PTCH1: variants seen among roughly 807,000 people sequenced by gnomAD.
PTCH1 encodes the protein patched 1.
In PTCH1, 14 loss-of-function variants were observed where a neutral mutation model predicts 144.6. The observed-to-expected ratio is 0.10, with a 90% CI of 0.06 to 0.15. The LOEUF (loss-of-function observed/expected upper bound fraction) is 0.15, where lower values mean the gene tolerates loss of function less well. PTCH1 is among the 10% of genes least tolerant of loss of function. PTCH1 has a pLI of 1.00. For missense variants in PTCH1, 1,623 were observed against 1,948.3 expected (o/e 0.83, Z 3.14); for synonymous variants, 833 against 793.6 (o/e 1.05, Z -0.83).
intron 15 of PTCH1, among the ~76,000 whole-genome samples, chr9:95,465,368 G>C (rs1490115113): frequency 6.6e-6 from 1 of 152,118 alleles, no homozygotes; most frequent in Admixed American, 6.5e-5. Context: ...TTTGGTCAAT[G>C]GGGGGAAAAT....
rs778455544 is a variant in PTCH1 at position 95,478,104 on chromosome 9, G to T, written c.1298C>A (p.Ser433Tyr). The change falls in exon 9 of 24, where the codon TCC (serine) becomes TAC (tyrosine). Residue 433 changes from serine to tyrosine, a missense_variant. By Grantham distance (144) the Ser-to-Tyr change is moderately radical. Around this residue, in one of 7 missense-constraint regions of PTCH1, gnomAD observed 230 missense variants for 271.0 expected, o/e 0.85. Coordinates refer to ENST00000331920, the MANE Select transcript of PTCH1 (RefSeq NM_000264.5). ...TTTTLDDILK[S>Y]FSDVSVIRVA... The stretch of plus-strand genomic sequence containing the variant: ...GCGGATGACACTGACGTCAGAGAAG[G>T]ATTTCAGGATGTCGTCCAGGGTCGT... The T allele has an allele frequency of 3.1e-6, 5 of 1,614,204 alleles. No individual in the cohort carries two copies. Among genetic ancestry groups the T allele is most frequent in the Non-Finnish European group, 4.2e-6 (5 of 1,180,038 alleles).
intron 22 of PTCH1, among the ~76,000 whole-genome samples, chr9:95,448,351 T>C (rs1243198819): frequency 1.3e-5 from 2 of 152,132 alleles, no homozygotes; most frequent in African/African-American, 4.8e-5. Flanking sequence ...CAGGGGGCCC[T>C]CAGTGGAGCA....
intron 2 of PTCH1, among the ~76,000 whole-genome samples, chr9:95,499,565 A>C (rs547984373): frequency 6.6e-6 from 1 of 151,940 alleles, no homozygotes; most frequent in South Asian, 2.1e-4. Flanking sequence ...GGGGCACAGG[A>C]AACATTAATA....
upstream of PTCH1, among the ~76,000 whole-genome samples, chr9:95,510,777 T>A (rs1175240976): frequency 6.8e-6 from 1 of 148,030 alleles, no homozygotes; most frequent in Non-Finnish European, 1.5e-5. Flanking sequence ...GAAACCCAGA[T>A]GGAGGGAAAG....
At chr9:95,460,924 G>T (rs573899778) in intron 16 of PTCH1, among the ~76,000 whole-genome samples, 1 of 152,272 alleles carries the variant, frequency 6.6e-6, no homozygotes, top group South Asian at 2.1e-4. Context: ...TGAGCTCAGA[G>T]TTTCACACTC....
intron 15 of PTCH1, among the ~76,000 whole-genome samples, chr9:95,466,310 G>A (rs1839994287): frequency 6.6e-6 from 1 of 152,174 alleles, no homozygotes; most frequent in African/African-American, 2.4e-5. Flanking sequence ...GCATCCCAAA[G>A]TGCTGGGATT....
At position 95,458,042 on chromosome 9, in the gene PTCH1, G is replaced by T. The variant is rs1053698119; in HGVS notation, c.3139C>A (p.Leu1047Ile). Residue 1047 changes from leucine to isoleucine, a missense_variant, in exon 18 of 24, where the codon CTT becomes ATT. Around this residue, in one of 7 missense-constraint regions of PTCH1, gnomAD observed 504 missense variants for 679.3 expected, o/e 0.74. Coordinates refer to ENST00000331920, the MANE Select transcript of PTCH1 (RefSeq NM_000264.5). This position sits in a 1 kb window ranked among gnomAD's most constrained non-coding sequence, Gnocchi z 4.7. Reference sequence around the variant, plus strand: ...ATCCCGGCCGTCCAGGGGTTCAGAAGGAAGACAGCGCACACGAGGAATGTG... The same window carrying T: ...ATCCCGGCCGTCCAGGGGTTCAGAATGAAGACAGCGCACACGAGGAATGTG... ...ACTFLVCAVF[L>I]LNPWTAGIIV... The T allele has an allele frequency of 6.2e-7, 1 of 1,614,166 alleles. No individual in the cohort carries two copies.
Position 95,443,723 on chromosome 9 carries a change from AAAGACT to A in PTCH1, c.*2664_*2669del, listed in dbSNP as rs1837653105. On this transcript the variant is annotated 3_prime_UTR_variant, in exon 24 of 24. Coordinates refer to ENST00000331920, the MANE Select transcript of PTCH1 (RefSeq NM_000264.5). ...ATTCTTTAAAAATATACTTCTGTCA[AAAGACT>A]TGATGACTACTATGTACACTACAAA... The A allele has an allele frequency of 6.5e-6, 1 of 152,674 alleles. No homozygotes were observed. The highest frequency in any genetic ancestry group is 2.4e-5 in the African/African-American group (1 of 41,464). 9.5% of individuals were successfully genotyped at this position (152,674 alleles called of 1,614,324 possible).
intron 2 of PTCH1, chr9:95,494,329 GCAGCTCCCAC>G (rs1167170611): frequency 1.0e-6 from 1 of 985,348 alleles, no homozygotes. Flanking sequence ...GCTGCCTGTC[GCAGCTCCCAC>G]CAGCTCCCAA....
In PTCH1 at chr9:95,508,633, C is replaced by G; in HGVS notation, c.-272G>C. Reference sequence around the variant, plus strand: ...ACATTGCGCGGGGGTCCCGAGGTCTCTGCGGCCGCCGCTGCCCACATCCAG... The same window carrying G: ...ACATTGCGCGGGGGTCCCGAGGTCTGTGCGGCCGCCGCTGCCCACATCCAG... On this transcript the variant is annotated 5_prime_UTR_variant, in exon 1 of 24. Coordinates refer to ENST00000331920, the MANE Select transcript of PTCH1 (RefSeq NM_000264.5). The G allele has an allele frequency of 1.0e-6, 1 of 990,148 alleles. No homozygotes were observed. 61.3% of individuals were successfully genotyped at this position (990,148 alleles called of 1,614,324 possible).
chr9:95,469,782 A>G, intron 13 of PTCH1, 31 bp downstream of exon 13: 1 of 1,574,872 alleles, frequency 6.3e-7, no homozygotes, highest in Non-Finnish European at 8.7e-7. Flanking sequence ...TCTGCACCCA[A>G]TCAAAAGGCC....
chr9:95,487,011 G>A (rs951522140), intron 2 of PTCH1, among the ~76,000 whole-genome samples: 3 of 152,336 alleles, frequency 2.0e-5, no homozygotes, highest in Non-Finnish European at 2.9e-5. Flanking sequence ...GCTTTCCCAC[G>A]AGGAGGAATC....
At chr9:95,496,132 G>A (rs1291507486) in intron 2 of PTCH1, among the ~76,000 whole-genome samples, 2 of 152,156 alleles carry the variant, frequency 1.3e-5, no homozygotes, top group Admixed American at 6.5e-5. Context: ...GCCGACCCCT[G>A]ACATAAATTT....
intron 18 of PTCH1, 140 bp from the exon 19 acceptor site, chr9:95,456,553 T>TG: frequency 8.7e-7 from 1 of 1,149,812 alleles, no homozygotes; most frequent in Non-Finnish European, 1.2e-6. Context: ...CTCTGGACAC[T>TG]GCCTTTACTG....
chr9:95,486,971 G>A (rs1458736092), intron 2 of PTCH1, among the ~76,000 whole-genome samples: 3 of 152,130 alleles, frequency 2.0e-5, no homozygotes, highest in East Asian at 1.9e-4. Context: ...GGCCTGCAGC[G>A]ACAGTTTAGA....
Position 95,514,702 on chromosome 9 carries a change from AT to A in PTCH1, c.3+1766del, listed in dbSNP as rs565629987. Among the ~76,000 whole-genome samples the A allele has an allele frequency of 3.9e-3, 600 of 152,260 alleles. 2 individuals are homozygous for A. The highest frequency in any genetic ancestry group is 0.014 in the African/African-American group (572 of 41,512). On this transcript the variant is annotated intron_variant, in intron 1 of 22. Transcript: ENST00000430669. ...GGGAGACATATTTTAATCCACATTG[AT>A]TAACCTCATCAGTTTATCTATCTGT...
intron 2 of PTCH1, among the ~76,000 whole-genome samples, chr9:95,491,683 G>A (rs1019917396): frequency 1.3e-5 from 2 of 152,176 alleles, no homozygotes; most frequent in African/African-American, 4.8e-5. Flanking sequence ...GAGAACATGA[G>A]TACAGCAGGA....
At chr9:95,467,524 C>T in intron 14 of PTCH1, 99 bp from the exon 15 acceptor site, 2 of 1,186,128 alleles carry the variant, frequency 1.7e-6, no homozygotes, top group Non-Finnish European at 1.2e-6. Flanking sequence ...TTCACCACCA[C>T]ACTTAAACTG....
intron 2 of PTCH1, among the ~76,000 whole-genome samples, chr9:95,490,892 A>C (rs1471050618): frequency 1.3e-5 from 2 of 152,264 alleles, no homozygotes; most frequent in Non-Finnish European, 1.5e-5. Flanking sequence ...ACACAAAAAA[A>C]TGATGAATGT....
Sources: gnomAD v4.1 joint callset for allele counts (sites outside exome capture counted in the v4.1 genomes callset) on GRCh38, gnomAD v4.1.1 for gene constraint, gnomAD v4.1.1 regional missense constraint, Gnocchi (gnomAD v3.1) non-coding constraint, MANE v1.5 for transcripts, NCBI Gene and HGNC (gene_info 2026-07-23, HGNC 2026-07-21) for gene names.